APBB2: variants seen among roughly 807,000 people sequenced by gnomAD.
APBB2 encodes Fe65-like 1.
In APBB2, 38 loss-of-function variants were observed where a neutral mutation model predicts 82.5. The ratio of observed to expected loss-of-function variants is 0.46; its 90% confidence interval spans 0.36 to 0.60. The LOEUF (loss-of-function observed/expected upper bound fraction) is 0.60. Among genes scored for constraint, APBB2 ranks in the 20% least tolerant of loss-of-function variants. The pLI, the probability that APBB2 is intolerant of heterozygous loss-of-function variation, is 0.00. For synonymous variants in APBB2, 341 were observed against 368.2 expected (o/e 0.93, Z 0.85); for missense variants, 772 against 972.3 (o/e 0.79, Z 2.74).
intron 7 of APBB2, among the ~76,000 whole-genome samples, chr4:40,937,553 T>C (rs1785685828): frequency 6.6e-6 from 1 of 152,218 alleles, no homozygotes; most frequent in Non-Finnish European, 1.5e-5. Context: ...AAAGGCTCTG[T>C]ATAGTGATTT....
Position 40,815,989 on chromosome 4 carries a change from C to A in APBB2, c.*103G>T. 1.5e-6 allele frequency: 2 copies of A among 1,344,356 alleles called. No individual in the cohort carries two copies. Among genetic ancestry groups the A allele is most frequent in the Non-Finnish European group, 2.1e-6 (2 of 964,934 alleles). 83.3% of individuals were successfully genotyped at this position (1,344,356 alleles called of 1,614,324 possible). On this transcript the variant is annotated 3_prime_UTR_variant, in exon 18 of 18. Transcript: ENST00000508593. ...TGGTTAAGGGTAAATTCTCTGAAGA[C>A]AAAGCATCAGCAACTGGATGGAAGG...
At chr4:40,956,232 T>C (rs1791613478) in intron 6 of APBB2, among the ~76,000 whole-genome samples, 1 of 152,268 alleles carries the variant, frequency 6.6e-6, no homozygotes, top group African/African-American at 2.4e-5. Flanking sequence ...ACCACCAACT[T>C]TGGAAGACAA....
chr4:41,054,537 G>A (rs1201057877), intron 4 of APBB2, among the ~76,000 whole-genome samples: 1 of 152,150 alleles, frequency 6.6e-6, no homozygotes, highest in East Asian at 1.9e-4. Context: ...ATCTTGGGAA[G>A]GAGAAAATCA....
chr4:41,114,318 A>G (rs867642546), intron 2 of APBB2, among the ~76,000 whole-genome samples: 2 of 152,360 alleles, frequency 1.3e-5, no homozygotes, highest in Non-Finnish European at 1.5e-5. Context: ...GATGGAACGT[A>G]TTTCAAAATA....
chr4:41,073,849 T>C (rs1385982132), intron 3 of APBB2, among the ~76,000 whole-genome samples: 1 of 152,128 alleles, frequency 6.6e-6, no homozygotes, highest in Non-Finnish European at 1.5e-5. Context: ...AGCATTACAG[T>C]GTGTAATGAA....
At chr4:40,992,582 T>C (rs1293053698) in intron 6 of APBB2, among the ~76,000 whole-genome samples, 1 of 152,134 alleles carries the variant, frequency 6.6e-6, no homozygotes, top group Admixed American at 6.5e-5. Flanking sequence ...ACCTCATTAA[T>C]ATGTAGTAAG....
intron 12 of APBB2, among the ~76,000 whole-genome samples, chr4:40,836,529 G>A (rs1197351082): frequency 1.3e-5 from 2 of 152,158 alleles, no homozygotes; most frequent in Non-Finnish European, 1.5e-5. Flanking sequence ...CCAAGGCCTG[G>A]CGACTGGGGA....
At chr4:40,829,107 AAAG>A (rs1750959632) in intron 13 of APBB2, among the ~76,000 whole-genome samples, 1 of 152,216 alleles carries the variant, frequency 6.6e-6, no homozygotes. Context: ...GGGCTGGCTA[AAAG>A]AAGCTTGTGC....
At chr4:41,115,620 T>A (rs886589705) in intron 2 of APBB2, among the ~76,000 whole-genome samples, 8 of 151,868 alleles carry the variant, frequency 5.3e-5, no homozygotes, top group Non-Finnish European at 8.8e-5. Flanking sequence ...CTTAAAAAAA[T>A]TTCCAAAAAA....
At chr4:41,079,689 C>G (rs1452456601) in intron 3 of APBB2, among the ~76,000 whole-genome samples, 1 of 152,074 alleles carries the variant, frequency 6.6e-6, no homozygotes, top group African/African-American at 2.4e-5. Flanking sequence ...GCTGGGACTA[C>G]AGGCGCAGGC....
chr4:40,900,612 C>T (rs368923224), intron 10 of APBB2, among the ~76,000 whole-genome samples: 6 of 151,984 alleles, frequency 3.9e-5, no homozygotes, highest in Non-Finnish European at 4.4e-5. Context: ...CAGACCACCA[C>T]GCTCACCTAA....
chr4:40,910,151 A>G lies in APBB2; in HGVS notation c.1255-16740T>C, dbSNP rs1224891339. On this transcript the variant is annotated intron_variant, in intron 10 of 17. Coordinates refer to ENST00000508593, the MANE Select transcript of APBB2 (RefSeq NM_004307.2). Reference sequence around the variant, plus strand: ...TTTTTTTTTTTTTTGTAATTTTAGTAGAGACAGGGTTTTACCATGTTGGCC... The same window carrying G: ...TTTTTTTTTTTTTTGTAATTTTAGTGGAGACAGGGTTTTACCATGTTGGCC... Among the ~76,000 whole-genome samples the G allele has an allele frequency of 2.1e-5, 3 of 144,536 alleles. No homozygotes were observed. The South Asian group carries it at 6.6e-4, about 32-fold the overall frequency. 94.8% of individuals were successfully genotyped at this position (144,536 alleles called of 152,430 possible).
At chr4:40,989,621 T>C (rs1046914450) in intron 6 of APBB2, among the ~76,000 whole-genome samples, 1 of 152,190 alleles carries the variant, frequency 6.6e-6, no homozygotes, top group African/African-American at 2.4e-5. Context: ...TGGTTATTTA[T>C]TCTCTACTGT....
chr4:40,868,469 T>C (rs1166462433), intron 12 of APBB2, among the ~76,000 whole-genome samples: 1 of 152,210 alleles, frequency 6.6e-6, no homozygotes, highest in Non-Finnish European at 1.5e-5. Context: ...CAGTAACCAA[T>C]CTGAACCATT....
At chr4:40,967,345 C>T (rs1236043558) in intron 6 of APBB2, among the ~76,000 whole-genome samples, 3 of 152,204 alleles carry the variant, frequency 2.0e-5, no homozygotes, top group Non-Finnish European at 4.4e-5. Context: ...AGGGTTGAAA[C>T]ACGCCCCTTG....
intron 1 of APBB2, among the ~76,000 whole-genome samples, chr4:41,214,058 C>G (rs1014570456): frequency 6.6e-6 from 1 of 152,222 alleles, no homozygotes; most frequent in East Asian, 1.9e-4. Context: ...CAGGCCCTGC[C>G]AAGCCGGGGC....
At chr4:41,109,057 T>C (rs1334740242) in intron 2 of APBB2, among the ~76,000 whole-genome samples, 2 of 152,180 alleles carry the variant, frequency 1.3e-5, no homozygotes, top group African/African-American at 4.8e-5. Context: ...CACACAGCAT[T>C]GATTCCACAT....
At chr4:40,980,643 A>G (rs967096374) in intron 6 of APBB2, among the ~76,000 whole-genome samples, 9 of 152,212 alleles carry the variant, frequency 5.9e-5, no homozygotes, top group African/African-American at 2.2e-4. Context: ...TTATAGCCCT[A>G]AAGTTAGATA....
At chr4:41,055,720 C>T (rs1727602687) in intron 4 of APBB2, among the ~76,000 whole-genome samples, 1 of 152,218 alleles carries the variant, frequency 6.6e-6, no homozygotes, top group South Asian at 2.1e-4. Context: ...AATCTCAGCT[C>T]CACCATTGTC....
Sources: gnomAD v4.1 joint callset for allele counts (sites outside exome capture counted in the v4.1 genomes callset) on GRCh38, gnomAD v4.1.1 for gene constraint, MANE v1.5 for transcripts, NCBI Gene and HGNC (gene_info 2026-07-23, HGNC 2026-07-21) for gene names.